The following NT5C2 variants were observed in gnomAD, a reference collection of about 807,000 sequenced individuals.
NT5C2 encodes cytosolic purine 5'-nucleotidase.
In NT5C2, 58 loss-of-function variants were observed where a neutral mutation model predicts 76.1. The observed-to-expected ratio is 0.76, with a 90% CI of 0.62 to 0.95. The LOEUF (loss-of-function observed/expected upper bound fraction) is 0.95. Among genes scored for constraint, NT5C2 ranks in the 40% least tolerant of loss-of-function variants. NT5C2 has a pLI of 0.00. For missense variants in NT5C2, 478 were observed against 690.3 expected (o/e 0.69, Z 3.45); for synonymous variants, 229 against 237.4 (o/e 0.96, Z 0.32).
intron 2 of NT5C2, among the ~76,000 whole-genome samples, chr10:103,176,495 C>A (rs888987019): frequency 6.6e-6 from 1 of 152,156 alleles, no homozygotes; most frequent in Non-Finnish European, 1.5e-5. Context: ...CCCAGCCTCC[C>A]GCCGTTGAGT....
chr10:103,173,611 CAAAAAAAAAAA>C (rs1323084034), intron 3 of NT5C2, among the ~76,000 whole-genome samples: 5 of 43,192 alleles, frequency 1.2e-4, no homozygotes, highest in African/African-American at 4.5e-4. Context: ...GACGCCGTCT[CAAAAAAAAAAA>C]AAAAAAAAAG....
intron 1 of NT5C2, among the ~76,000 whole-genome samples, chr10:103,189,591 C>A (rs542878604): frequency 2.1e-5 from 3 of 143,718 alleles, no homozygotes; most frequent in Non-Finnish European, 3.0e-5. Flanking sequence ...GGCGACAGAG[C>A]GAGACTCCAT....
At chr10:103,121,104 G>A (rs972305379) in intron 4 of NT5C2, among the ~76,000 whole-genome samples, 2 of 152,104 alleles carry the variant, frequency 1.3e-5, no homozygotes, top group Non-Finnish European at 2.9e-5. Context: ...ATAAATTAGA[G>A]GTTACTAGCA....
Position 103,155,794 on chromosome 10 carries a change from C to T in NT5C2, c.102-16315G>A, listed in dbSNP as rs531821100. 7.9e-5 allele frequency among the ~76,000 whole-genome samples: 12 copies of T among 152,182 alleles called. No individual in the cohort carries two copies. In the South Asian group the frequency reaches 2.1e-3, roughly 26 times the overall value. On this transcript the variant is annotated intron_variant, in intron 3 of 18. Coordinates refer to ENST00000404739, the MANE Select transcript of NT5C2 (RefSeq NM_001351169.2). Reference sequence around the variant, plus strand: ...AAAGATCAGTCTTAGAGAGTCTTGGCGGGGTTAGAATTTATCCTGTTGCAT... The same window carrying T: ...AAAGATCAGTCTTAGAGAGTCTTGGTGGGGTTAGAATTTATCCTGTTGCAT...
intron 16 of NT5C2, 30 bp downstream of exon 16, chr10:103,091,534 T>C: frequency 6.4e-7 from 1 of 1,570,018 alleles, no homozygotes; most frequent in Non-Finnish European, 8.8e-7. Flanking sequence ...CTGAGTAAGT[T>C]TTTGGGAAAG....
chr10:103,093,396 CATTTTATTCTT>C lies in NT5C2; in HGVS notation c.989-98_989-88del. ...TATTTAACCATTAAATACTATGATT[CATTTTATTCTT>C]ATATGAGGAACAGACTAGGAAGAAT... is the stretch of plus-strand genomic sequence containing the variant. On this transcript the variant is annotated intron_variant, in intron 14 of 18. Transcript: ENST00000404739. 4.4e-6 allele frequency: 5 copies of C among 1,143,022 alleles called. No individual in the cohort carries two copies. The South Asian group carries it at 1.0e-4, about 23-fold the overall frequency. The allele number at this position is 1,143,022 out of a possible 1,614,324, so 70.8% of individuals were successfully genotyped here.
intron 3 of NT5C2, among the ~76,000 whole-genome samples, chr10:103,155,268 G>T (rs1039086586): frequency 1.3e-5 from 2 of 152,164 alleles, no homozygotes; most frequent in Non-Finnish European, 2.9e-5. Flanking sequence ...AGATCCTCTT[G>T]GCTGAGTCTT....
intron 4 of NT5C2, among the ~76,000 whole-genome samples, chr10:103,128,048 TCC>T (rs1565092205): frequency 5.7e-5 from 1 of 17,538 alleles, no homozygotes; most frequent in African/African-American, 2.7e-4. Context: ...ATCCGGTCTC[TCC>T]CTCTCCCTCT....
At chr10:103,141,251 G>A (rs146122636) in intron 3 of NT5C2, among the ~76,000 whole-genome samples, 25 of 152,278 alleles carry the variant, frequency 1.6e-4, no homozygotes, top group South Asian at 1.2e-3. Flanking sequence ...TAGCTCAAGA[G>A]TTCTAGACCA....
intron 10 of NT5C2, chr10:103,098,311 A>T (rs75385572): frequency 3.8e-6 from 1 of 260,014 alleles, no homozygotes; most frequent in South Asian, 3.8e-5. Context: ...TTTTTAAAAA[A>T]TTTTATCAGG....
intron 3 of NT5C2, among the ~76,000 whole-genome samples, chr10:103,166,702 G>C (rs567912885): frequency 2.4e-4 from 36 of 152,120 alleles, no homozygotes; most frequent in African/African-American, 8.2e-4. Flanking sequence ...CACCAGGCTG[G>C]AGTGCAATGG....
intron 4 of NT5C2, among the ~76,000 whole-genome samples, chr10:103,118,383 G>C (rs1199730096): frequency 7.1e-6 from 1 of 140,596 alleles, no homozygotes; most frequent in African/African-American, 2.7e-5. Context: ...TTTTGGATAG[G>C]TCTCATTCTG....
chr10:103,171,912 T>G (rs2088132141), intron 3 of NT5C2, among the ~76,000 whole-genome samples: 1 of 151,960 alleles, frequency 6.6e-6, no homozygotes, highest in South Asian at 2.1e-4. Context: ...AAATTTTTTT[T>G]TAAAATACAG....
rs569128957 is a variant in NT5C2 at position 103,160,758 on chromosome 10, T to C, written c.101+14100A>G. On this transcript the variant is annotated intron_variant, in intron 3 of 18. Transcript: ENST00000404739. ...GGCCAGGCACGGTGGCTCACGCCTGTAATCCCAGCATTTTGGGAGGCCGAG... is the reference window on the plus strand; with the variant it reads ...GGCCAGGCACGGTGGCTCACGCCTGCAATCCCAGCATTTTGGGAGGCCGAG... Among the ~76,000 whole-genome samples the C allele has an allele frequency of 2.6e-5, 4 of 152,326 alleles. No individual in the cohort carries two copies. In the East Asian group the frequency reaches 7.7e-4, roughly 29 times the overall value.
At chr10:103,096,206 T>C (rs1205986915) in intron 11 of NT5C2, among the ~76,000 whole-genome samples, 1 of 152,216 alleles carries the variant, frequency 6.6e-6, no homozygotes, top group Admixed American at 6.5e-5. Flanking sequence ...GGAGGATACA[T>C]ACTTCCTCTG....
At position 103,093,918 on chromosome 10, in the gene NT5C2, T is replaced by C. The variant is rs1457418724; in HGVS notation, c.988+54A>G. 9 of 1,346,818 alleles carry C rather than the reference T, an allele frequency of 6.7e-6. No individual in the cohort carries two copies. The East Asian group carries it at 1.8e-4, about 27-fold the overall frequency. The allele number at this position is 1,346,818 out of a possible 1,614,324, so 83.4% of individuals were successfully genotyped here. Reference sequence around the variant, plus strand: ...CACTTTGCTGAGAGATTACCAAAGCTTTCACTGTGAGGTCTGAGCAAAGAC... The same window carrying C: ...CACTTTGCTGAGAGATTACCAAAGCCTTCACTGTGAGGTCTGAGCAAAGAC... On this transcript the variant is annotated intron_variant, in intron 14 of 18. Transcript: ENST00000404739.
At chr10:103,167,579 C>A (rs921045372) in intron 3 of NT5C2, among the ~76,000 whole-genome samples, 1 of 151,890 alleles carries the variant, frequency 6.6e-6, no homozygotes, top group Non-Finnish European at 1.5e-5. Context: ...CTACATATAA[C>A]CTGATACCTG....
At chr10:103,153,640 C>T in intron 3 of NT5C2, 1 of 985,356 alleles carries the variant, frequency 1.0e-6, no homozygotes, top group Non-Finnish European at 1.2e-6. Flanking sequence ...CTGGCAAACA[C>T]AGAAAAAGCA....
At chr10:103,100,120 G>C in intron 8 of NT5C2, 101 bp from the exon 9 acceptor site, 2 of 697,754 alleles carry the variant, frequency 2.9e-6, no homozygotes, top group Non-Finnish European at 2.5e-6. Flanking sequence ...ATATCACATG[G>C]GTAAAGGCTG....
Sources: allele counts gnomAD v4.1 joint callset (sites outside exome capture counted in the v4.1 genomes callset), GRCh38; gene constraint gnomAD v4.1.1; transcripts MANE v1.5; gene names NCBI Gene and HGNC (gene_info 2026-07-23, HGNC 2026-07-21).